Variants in PPARGC1A observed in about 807,000 individuals in gnomAD.
PPARGC1A encodes the protein peroxisome proliferator-activated receptor gamma coactivator 1-alpha.
In PPARGC1A, 25 loss-of-function variants were observed where a neutral mutation model predicts 88.7. That is an observed-to-expected ratio of 0.28 (90% CI 0.21 to 0.39). The LOEUF (loss-of-function observed/expected upper bound fraction) is 0.39, where lower values mean the gene tolerates loss of function less well. Among genes scored for constraint, PPARGC1A ranks in the 10% least tolerant of loss-of-function variants. PPARGC1A has a pLI of 1.00. For missense variants in PPARGC1A, 880 were observed against 968.7 expected (o/e 0.91, Z 1.22); for synonymous variants, 363 against 355.6 (o/e 1.02, Z -0.24).
chr4:23,828,651 T>C (rs1451526184), intron 4 of PPARGC1A, 47 bp from the exon 5 acceptor site: 2 of 1,548,432 alleles, frequency 1.3e-6, no homozygotes, highest in African/African-American at 2.7e-5. Context: ...AACTGAACCT[T>C]ATCAGAATGG....
chr4:24,336,193 A>G, the PPARGC1A span, among the ~76,000 whole-genome samples: 1 of 152,146 alleles, frequency 6.6e-6, no homozygotes, highest in African/African-American at 2.4e-5. Context: ...TTCCAAGAGG[A>G]AATAGCAGAG....
the PPARGC1A span, among the ~76,000 whole-genome samples, chr4:24,100,751 C>CA: frequency 7.2e-3 from 1,093 of 152,142 alleles, 14 homozygotes; most frequent in African/African-American, 0.025. Flanking sequence ...CATAAAACCA[C>CA]AAAAAAATAT....
At chr4:24,228,667 A>C in the PPARGC1A span, among the ~76,000 whole-genome samples, 913 of 152,270 alleles carry the variant, frequency 6.0e-3, 23 homozygotes, top group East Asian at 0.088. Context: ...GAAAAAAAGA[A>C]AAAAAACCCA....
the PPARGC1A span, among the ~76,000 whole-genome samples, chr4:24,136,023 C>G: frequency 6.6e-6 from 1 of 152,194 alleles, no homozygotes; most frequent in Non-Finnish European, 1.5e-5. Flanking sequence ...GACGCTATTT[C>G]TGCTTTGCTT....
At chr4:24,045,037 T>A in the PPARGC1A span, among the ~76,000 whole-genome samples, 4 of 152,198 alleles carry the variant, frequency 2.6e-5, no homozygotes, top group African/African-American at 9.6e-5. Context: ...GCTTCCTAAT[T>A]TCCCTGGGTG....
chr4:23,905,157 G>A (rs1342323505), upstream of PPARGC1A, among the ~76,000 whole-genome samples: 1 of 152,064 alleles, frequency 6.6e-6, no homozygotes, highest in Non-Finnish European at 1.5e-5. Context: ...TTGAAATTCT[G>A]GCCATAACTA....
At chr4:24,124,429 T>C in the PPARGC1A span, among the ~76,000 whole-genome samples, 68 of 152,324 alleles carry the variant, frequency 4.5e-4, no homozygotes, top group Non-Finnish European at 5.0e-4. Flanking sequence ...GTACTCATCA[T>C]ACATTTTTAA....
At chr4:24,149,929 A>G in the PPARGC1A span, among the ~76,000 whole-genome samples, 3 of 152,238 alleles carry the variant, frequency 2.0e-5, no homozygotes, top group Non-Finnish European at 4.4e-5. Context: ...GATCTGGAAT[A>G]GGATAAACAA....
the PPARGC1A span, among the ~76,000 whole-genome samples, chr4:24,229,442 C>T: frequency 6.6e-6 from 1 of 151,008 alleles, no homozygotes; most frequent in Non-Finnish European, 1.5e-5. Flanking sequence ...AGCCACGATG[C>T]CCAGCCTATA....
chr4:24,129,854 G>A, the PPARGC1A span, among the ~76,000 whole-genome samples: 1 of 152,150 alleles, frequency 6.6e-6, no homozygotes, highest in Admixed American at 6.5e-5. Context: ...TGGGGACATG[G>A]ATGAAGCTGG....
At chr4:24,142,307 G>A in the PPARGC1A span, among the ~76,000 whole-genome samples, 1 of 152,178 alleles carries the variant, frequency 6.6e-6, no homozygotes, top group Non-Finnish European at 1.5e-5. Context: ...TATTACATCA[G>A]AGGGTGATAA....
At chr4:24,209,511 A>C in the PPARGC1A span, among the ~76,000 whole-genome samples, 1 of 152,216 alleles carries the variant, frequency 6.6e-6, no homozygotes, top group Non-Finnish European at 1.5e-5. Context: ...AGGGCACAGC[A>C]CAGCCCCTCA....
At chr4:24,215,747 C>T in the PPARGC1A span, among the ~76,000 whole-genome samples, 1 of 152,128 alleles carries the variant, frequency 6.6e-6, no homozygotes, top group Non-Finnish European at 1.5e-5. Context: ...GCCAAGAAAG[C>T]TGTAGTGGGG....
the PPARGC1A span, among the ~76,000 whole-genome samples, chr4:24,340,308 G>T: frequency 1.4e-4 from 21 of 152,068 alleles, no homozygotes; most frequent in African/African-American, 5.1e-4. Flanking sequence ...TATATTAAAT[G>T]GCATAAATAA....
the PPARGC1A span, among the ~76,000 whole-genome samples, chr4:23,961,173 T>A: frequency 1.3e-5 from 2 of 152,144 alleles, no homozygotes; most frequent in Non-Finnish European, 1.5e-5. Context: ...AACAGTACTA[T>A]CTTTCCATGA....
At chr4:23,959,423 A>G in the PPARGC1A span, among the ~76,000 whole-genome samples, 1 of 152,176 alleles carries the variant, frequency 6.6e-6, no homozygotes, top group Admixed American at 6.5e-5. Flanking sequence ...CATACTCCTG[A>G]GTGCAGAAAC....
At chr4:24,127,848 T>C in the PPARGC1A span, among the ~76,000 whole-genome samples, 1 of 151,610 alleles carries the variant, frequency 6.6e-6, no homozygotes, top group African/African-American at 2.4e-5. Context: ...AGAAAAAAAA[T>C]AGTAAGGAAA....
At chr4:23,920,701 TC>T in the PPARGC1A span, among the ~76,000 whole-genome samples, 1 of 152,200 alleles carries the variant, frequency 6.6e-6, no homozygotes, top group Non-Finnish European at 1.5e-5. Flanking sequence ...ATCCTCACCC[TC>T]CCCTAAACTC....
the PPARGC1A span, among the ~76,000 whole-genome samples, chr4:23,917,372 CTTTCT>C: frequency 1.6e-5 from 2 of 126,084 alleles, no homozygotes; most frequent in African/African-American, 6.6e-5. Context: ...TGTTTTCTTT[CTTTCT>C]TTTTTTTTTT....
Sources: allele counts gnomAD v4.1 joint callset (sites outside exome capture counted in the v4.1 genomes callset), GRCh38; gene constraint gnomAD v4.1.1; transcripts MANE v1.5; gene names NCBI Gene and HGNC (gene_info 2026-07-23, HGNC 2026-07-21).